SH2D3C: variants seen among roughly 807,000 people sequenced by gnomAD.
SH2D3C encodes SH2 domain containing 3C.
SH2D3C carries 25 observed loss-of-function variants against 75.2 expected under a neutral mutation model. The ratio of observed to expected loss-of-function variants is 0.33; its 90% CI spans 0.24 to 0.46. The LOEUF (loss-of-function observed/expected upper bound fraction) is 0.46, where lower values mean the gene tolerates loss of function less well. SH2D3C is among the 20% of genes least tolerant of loss of function. The probability of loss-of-function intolerance (pLI) is 1.00; values close to 1 mark genes in which losing one functional copy is unlikely to be tolerated. For missense variants in SH2D3C, 933 were observed against 1,165.3 expected (o/e 0.80, Z 2.90); for synonymous variants, 450 against 473.7 (o/e 0.95, Z 0.65).
In SH2D3C at chr9:127,739,425, G is replaced by A. The variant is rs556629900; in HGVS notation, c.2407+257C>T. ...CTCGGGAGGCTGAGGCAGGAGAATC[G>A]CTTGAACTTGGGAGGCGGAGGTTGC... is the stretch of plus-strand genomic sequence containing the variant. On this transcript the variant is annotated intron_variant, in intron 11 of 11. Transcript: ENST00000314830. The surrounding 1 kb of genome is among the most constrained non-coding windows in gnomAD (Gnocchi z 4.3). Among the ~76,000 whole-genome samples, 74 of 152,156 alleles carry A rather than the reference G, an allele frequency of 4.9e-4. 1 individual carries two copies. Among genetic ancestry groups the A allele is most frequent in the South Asian group, 2.3e-3 (11 of 4,820 alleles).
rs946753005 is a variant in SH2D3C, at chr9:127,771,274, C to T, written c.515+2716G>A. On this transcript the variant is annotated intron_variant, in intron 2 of 11. Transcript: ENST00000314830. ...CCGGCAACCCGGGGACCTCCTAAAC[C>T]CAGCGGCTCCTGCCTTTCTCGGGCC... The T allele has an allele frequency of 3.9e-6, 6 of 1,527,604 alleles. No individual in the cohort carries two copies. The African/African-American group carries it at 8.4e-5, about 21-fold the overall frequency. 94.6% of individuals were successfully genotyped at this position (1,527,604 alleles called of 1,614,324 possible).
chr9:127,741,388 G>T (rs1299303680), intron 9 of SH2D3C, among the ~76,000 whole-genome samples: 1 of 151,666 alleles, frequency 6.6e-6, no homozygotes, highest in Non-Finnish European at 1.5e-5. Context: ...TTACAGGTGC[G>T]CACCACCACG....
intron 6 of SH2D3C, among the ~76,000 whole-genome samples, chr9:127,745,576 A>C (rs775081659): frequency 6.9e-6 from 1 of 144,300 alleles, no homozygotes. Context: ...CAATTCTTCA[A>C]TTCTTGAGCC....
chr9:127,738,511 AG>A lies in SH2D3C; in HGVS notation c.*234del. 2.6e-6 allele frequency: 1 copy of A among 386,774 alleles called. No individual in the cohort carries two copies. The allele number at this position is 386,774 out of a possible 1,614,324, so 24.0% of individuals were successfully genotyped here. A position where few individuals can be genotyped will look rare whatever the true frequency, so the allele number is the denominator to read the frequency against. On this transcript the variant is annotated 3_prime_UTR_variant, in exon 12 of 12. Transcript: ENST00000314830. The surrounding 1 kb of genome is among the most constrained non-coding windows in gnomAD (Gnocchi z 5.0). ...CCCCAGCAGGAAGGGGAGCAGCAAA[AG>A]CTGGTGGGGGAACCGGCGTTCCTGT...
At position 127,741,899 on chromosome 9, in the gene SH2D3C, C is replaced by A; in HGVS notation, c.1977G>T (p.Glu659Asp). 6.2e-7 allele frequency: 1 copy of A among 1,613,130 alleles called. No homozygotes were observed. Among genetic ancestry groups the A allele is most frequent in the Non-Finnish European group, 8.5e-7 (1 of 1,179,978 alleles). Residue 659 changes from glutamate to aspartate, a missense_variant, in exon 9 of 12, where the codon GAG becomes GAT. Transcript: ENST00000314830. The stretch of plus-strand genomic sequence containing the variant: ...TCTTGTGCAGCAGCGCTGCCCGCTC[C>A]TCCGCAGAGCCGGTGCAGCCCAGGA... ...VDILGCTGSA[E>D]ERAALLHKTI...
intron 2 of SH2D3C, chr9:127,771,353 C>A: frequency 7.3e-7 from 1 of 1,365,600 alleles, no homozygotes. Context: ...GACCTGTAGA[C>A]CACGCCCCCA....
intron 2 of SH2D3C, among the ~76,000 whole-genome samples, chr9:127,772,036 A>G (rs754568601): frequency 3.3e-5 from 5 of 152,176 alleles, no homozygotes; most frequent in Admixed American, 6.6e-5. Context: ...TCATGCAGCC[A>G]GTAAGAGGCA....
rs1446893303 is a variant in SH2D3C at position 127,751,314 on chromosome 9, A to G, written c.556-14T>C. The G allele has an allele frequency of 1.2e-6, 2 of 1,612,830 alleles. No homozygotes were observed. Among genetic ancestry groups the G allele is most frequent in the Non-Finnish European group, 1.7e-6 (2 of 1,179,340 alleles). ...CTCCTTGGAGAACTGGGTAGAAAAC[A>G]GCAAGAGTTGGCATCCAACTTAAAG... On this transcript the variant is annotated splice_polypyrimidine_tract_variant and intron_variant, in intron 3 of 11. Transcript: ENST00000314830. The surrounding 1 kb of genome is among the most constrained non-coding windows in gnomAD (Gnocchi z 4.1).
At chr9:127,756,563 A>G (rs1039678492) in intron 3 of SH2D3C, among the ~76,000 whole-genome samples, 11 of 151,202 alleles carry the variant, frequency 7.3e-5, no homozygotes, top group Middle Eastern at 3.5e-3. Context: ...GAATCAAAGG[A>G]TGCACAAAAT....
At chr9:127,747,108 G>A in intron 6 of SH2D3C, 39 bp downstream of exon 6, 1 of 1,600,686 alleles carries the variant, frequency 6.2e-7, no homozygotes, top group Non-Finnish European at 8.5e-7. Context: ...TTCAACAACA[G>A]ATTCCCTCCA....
At chr9:127,750,573 C>T (rs1358443895) in intron 4 of SH2D3C, among the ~76,000 whole-genome samples, 1 of 152,240 alleles carries the variant, frequency 6.6e-6, no homozygotes, top group African/African-American at 2.4e-5. Context: ...TAGGCTCTGA[C>T]TGTCATCCTG....
At position 127,774,169 on chromosome 9, in the gene SH2D3C, G is replaced by A. The variant is rs773519191; in HGVS notation, c.336C>T (p.Pro112=). The A allele has an allele frequency of 2.5e-5, 40 of 1,613,976 alleles. No homozygotes were observed. Among genetic ancestry groups the A allele is most frequent in the East Asian group, 1.3e-4 (6 of 44,866 alleles). The change falls in exon 2 of 12, where the codon CCC becomes CCT. Residue 112 remains proline (P), a synonymous_variant. Transcript: ENST00000314830. This position sits in a 1 kb window ranked among gnomAD's most constrained non-coding sequence, Gnocchi z 4.3. ...TGGCTGCCTCCAAGCCTGGGGGGTC[G>A]GGTACACCTCCGGGTACCAAGTTGG... ...PKPNLVPGGV[P]DPPGLEAAKE... is the part of the protein sequence containing the mutation.
chr9:127,759,375 C>T (rs917128695), intron 3 of SH2D3C, among the ~76,000 whole-genome samples: 2 of 152,216 alleles, frequency 1.3e-5, no homozygotes, highest in Non-Finnish European at 2.9e-5. Flanking sequence ...GCCACCACGC[C>T]TGGCTAATTT....
At position 127,751,113 on chromosome 9, in the gene SH2D3C, C is replaced by A; in HGVS notation, c.684+59G>T. On this transcript the variant is annotated intron_variant, in intron 4 of 11. Transcript: ENST00000314830. This position sits in a 1 kb window ranked among gnomAD's most constrained non-coding sequence, Gnocchi z 4.1. Reference sequence around the variant, plus strand: ...CAGGTGGCTGCAGCCAGGGCTGGGGCTGGCCAAGGCAGTGGGTGGGAGGGT... The same window carrying A: ...CAGGTGGCTGCAGCCAGGGCTGGGGATGGCCAAGGCAGTGGGTGGGAGGGT... The A allele has an allele frequency of 1.9e-6, 3 of 1,587,638 alleles. No individual in the cohort carries two copies. The highest frequency in any genetic ancestry group is 2.6e-6 in the Non-Finnish European group (3 of 1,161,990).
At chr9:127,757,015 G>A (rs779452389) in intron 3 of SH2D3C, among the ~76,000 whole-genome samples, 3 of 151,556 alleles carry the variant, frequency 2.0e-5, no homozygotes, top group East Asian at 1.9e-4. Context: ...CTGCAATCTC[G>A]GCCGCCTGGG....
intron 2 of SH2D3C, 152 bp from the exon 3 acceptor site, chr9:127,761,802 G>A: frequency 1.7e-6 from 1 of 602,360 alleles, no homozygotes; most frequent in South Asian, 2.1e-5. Flanking sequence ...AGCTGGCCTG[G>A]CTCCTCCACT....
At chr9:127,741,479 C>T (rs139723864) in intron 9 of SH2D3C, among the ~76,000 whole-genome samples, 3,848 of 152,188 alleles carry the variant, frequency 0.025, 61 homozygotes, top group African/African-American at 0.04. Context: ...CCTCGTGATC[C>T]GCCCGCCTCA....
Position 127,739,778 on chromosome 9 carries a change from G to C in SH2D3C, c.2311C>G (p.His771Asp). ...TGAGCCAGCACCACCTCCACGCCGT[G>C]CTCCGTGCTGCCCCAGGGCTCAGGG... ...EGPEPWGSTE[H>D]GVEVVLAHLE... The change falls in exon 11 of 12, where the codon CAC becomes GAC. Residue 771 changes from histidine to aspartate, a missense_variant. Transcript: ENST00000314830. This position sits in a 1 kb window ranked among gnomAD's most constrained non-coding sequence, Gnocchi z 4.3. 6.2e-7 allele frequency: 1 copy of C among 1,602,364 alleles called. No individual in the cohort carries two copies. Among genetic ancestry groups the C allele is most frequent in the Middle Eastern group, 2.0e-4 (1 of 5,098 alleles).
At position 127,750,314 on chromosome 9, in the gene SH2D3C, C is replaced by G. The variant is rs1473029362; in HGVS notation, c.685-649G>C. Among the ~76,000 whole-genome samples, 6 of 152,168 alleles carry G rather than the reference C, an allele frequency of 3.9e-5. No homozygotes were observed. The South Asian group carries it at 1.2e-3, about 32-fold the overall frequency. ...GCATTACAGGTGCATGCCACCATGC[C>G]TGGCTAATTTTCGTATTTTTAGTAG... On this transcript the variant is annotated intron_variant, in intron 4 of 11. Coordinates refer to ENST00000314830, the MANE Select transcript of SH2D3C (RefSeq NM_170600.3).
Sources: gnomAD v4.1 joint callset for allele counts (sites outside exome capture counted in the v4.1 genomes callset) on GRCh38, gnomAD v4.1.1 for gene constraint, Gnocchi (gnomAD v3.1) non-coding constraint, MANE v1.5 for transcripts, NCBI Gene and HGNC (gene_info 2026-07-23, HGNC 2026-07-21) for gene names.